RLN2: variants seen among roughly 807,000 people sequenced by gnomAD.
RLN2 encodes the protein prorelaxin H2.
A neutral mutation model predicts 7.3 loss-of-function variants in RLN2; 10 were observed. The observed-to-expected ratio is 1.36, with a 90% CI of 0.84 to 2.31. The LOEUF is 2.31. RLN2 is among the 30% of genes most tolerant of loss of function. RLN2 has a pLI of 0.00. For synonymous variants in RLN2, 103 were observed against 82.3 expected (o/e 1.25, Z -1.36); for missense variants, 298 against 217.6 (o/e 1.37, Z -2.32).
At chr9:5,331,649 A>T in the RLN2 span, among the ~76,000 whole-genome samples, 1 of 137,292 alleles carries the variant, frequency 7.3e-6, no homozygotes, top group Admixed American at 7.5e-5. Flanking sequence ...GGGGAACATC[A>T]CACACAGGGG....
chr9:5,327,540 A>T, the RLN2 span, among the ~76,000 whole-genome samples: 1,185 of 152,156 alleles, frequency 7.8e-3, 30 homozygotes, highest in African/African-American at 0.027. Flanking sequence ...TGACAACTCT[A>T]AAGAGAGCAG....
chr9:5,325,891 T>G, the RLN2 span, among the ~76,000 whole-genome samples: 1 of 152,054 alleles, frequency 6.6e-6, no homozygotes, highest in South Asian at 2.1e-4. Flanking sequence ...CAAGGGAACA[T>G]CAATTCTATT....
the RLN2 span, among the ~76,000 whole-genome samples, chr9:5,312,102 G>A: frequency 1.3e-5 from 2 of 151,918 alleles, no homozygotes; most frequent in Non-Finnish European, 2.9e-5. Flanking sequence ...CTCTGAAGCT[G>A]GATTGATGTG....
chr9:5,337,992 C>G, the RLN2 span, among the ~76,000 whole-genome samples: 2 of 151,572 alleles, frequency 1.3e-5, no homozygotes, highest in African/African-American at 4.9e-5. Flanking sequence ...TGAGAAACTG[C>G]TCAAAGTATA....
upstream of RLN2, among the ~76,000 whole-genome samples, chr9:5,305,392 CACACACACACAGAG>C (rs1454704420): frequency 2.1e-5 from 3 of 142,726 alleles, no homozygotes; most frequent in African/African-American, 8.6e-5. Flanking sequence ...CACACACACA[CACACACACACAGAG>C]AGAGAGAGAG....
intron 1 of RLN2, among the ~76,000 whole-genome samples, chr9:5,300,983 GGAGA>G: frequency 6.6e-6 from 1 of 152,292 alleles, no homozygotes; most frequent in South Asian, 2.1e-4. Context: ...CTAATCAGCA[GGAGA>G]AAGAAGTCTC....
At chr9:5,328,554 C>T in the RLN2 span, among the ~76,000 whole-genome samples, 25 of 151,912 alleles carry the variant, frequency 1.6e-4, no homozygotes, top group Non-Finnish European at 3.1e-4. Flanking sequence ...TCAGGAAATA[C>T]AGAGACCACC....
chr9:5,325,748 A>G, the RLN2 span, among the ~76,000 whole-genome samples: 1 of 152,120 alleles, frequency 6.6e-6, no homozygotes, highest in Non-Finnish European at 1.5e-5. Flanking sequence ...GGTATTCACA[A>G]GCCAATATCA....
the RLN2 span, chr9:5,311,766 A>C: frequency 5.0e-6 from 4 of 796,248 alleles, no homozygotes; most frequent in Non-Finnish European, 6.3e-6. Context: ...GTAGAGTTTG[A>C]AATATGATTT....
the RLN2 span, among the ~76,000 whole-genome samples, chr9:5,332,984 G>C: frequency 6.6e-6 from 1 of 151,988 alleles, no homozygotes; most frequent in African/African-American, 2.4e-5. Context: ...TAAAGGCAAT[G>C]ATAATATTCT....
upstream of RLN2, among the ~76,000 whole-genome samples, chr9:5,307,271 G>GAGGATA (rs1816269990): frequency 1.7e-3 from 247 of 143,574 alleles, 1 homozygote; most frequent in African/African-American, 5.7e-3. Flanking sequence ...GATAGATAGA[G>GAGGATA]GATAGATAGA....
At chr9:5,307,484 A>G (rs1816276803), upstream of RLN2, among the ~76,000 whole-genome samples, 1 of 151,960 alleles carries the variant, frequency 6.6e-6, no homozygotes, top group South Asian at 2.1e-4. Flanking sequence ...ATGGTTTACC[A>G]CAGGAAATCT....
At chr9:5,326,484 G>A in the RLN2 span, among the ~76,000 whole-genome samples, 1 of 152,070 alleles carries the variant, frequency 6.6e-6, no homozygotes, top group African/African-American at 2.4e-5. Flanking sequence ...TACCCAGACT[G>A]GCTGATCTCC....
At chr9:5,336,447 G>T in the RLN2 span, among the ~76,000 whole-genome samples, 1 of 152,008 alleles carries the variant, frequency 6.6e-6, no homozygotes, top group African/African-American at 2.4e-5. Context: ...TGGGACTTGG[G>T]CTGGGAACCT....
At chr9:5,314,880 G>A in the RLN2 span, among the ~76,000 whole-genome samples, 4 of 151,198 alleles carry the variant, frequency 2.6e-5, no homozygotes, top group African/African-American at 9.7e-5. Flanking sequence ...TTGCAATGGT[G>A]CCCTATTGGC....
chr9:5,326,159 T>G, the RLN2 span, among the ~76,000 whole-genome samples: 1 of 152,132 alleles, frequency 6.6e-6, no homozygotes, highest in Non-Finnish European at 1.5e-5. Flanking sequence ...TTTTTAGTGT[T>G]CCTTATAAAT....
the RLN2 span, among the ~76,000 whole-genome samples, chr9:5,314,087 G>A: frequency 6.6e-6 from 1 of 151,916 alleles, no homozygotes; most frequent in African/African-American, 2.4e-5. Context: ...CCCAGCTGAG[G>A]GAACTCCCTG....
rs775275828 is a variant in RLN2 at position 5,299,876 on chromosome 9, A to C, written c.*222T>G. 40 of 386,990 alleles carry C rather than the reference A, an allele frequency of 1.0e-4. No individual in the cohort carries two copies. Among genetic ancestry groups the C allele is most frequent in the Admixed American group, 4.9e-4 (12 of 24,378 alleles). The allele number at this position is 386,990 out of a possible 1,614,324, so 24.0% of individuals were successfully genotyped here. A position where few individuals can be genotyped will look rare whatever the true frequency, so the allele number is the denominator to read the frequency against. On this transcript the variant is annotated 3_prime_UTR_variant, in exon 2 of 2. Transcript: ENST00000381627. The stretch of plus-strand genomic sequence containing the variant: ...AAGACAAAAAGGCTTTTCAGCAAAA[A>C]AATGTGTCATTTAATCACACAAAGA...
chr9:5,329,289 G>A, the RLN2 span, among the ~76,000 whole-genome samples: 12 of 115,650 alleles, frequency 1.0e-4, no homozygotes, highest in East Asian at 2.4e-4. Flanking sequence ...CGGCCTGGGC[G>A]ACAGAGCGAG....
Sources: allele counts gnomAD v4.1 joint callset (sites outside exome capture counted in the v4.1 genomes callset), GRCh38; gene constraint gnomAD v4.1.1; transcripts MANE v1.5; gene names NCBI Gene and HGNC (gene_info 2026-07-23, HGNC 2026-07-21).